ME1: variants seen among roughly 807,000 people sequenced by gnomAD.
ME1 encodes NADP-dependent malic enzyme.
Under a neutral mutation model 66.4 loss-of-function variants are expected in ME1, and 74 were observed. That is an observed-to-expected ratio of 1.11 (90% CI 0.92 to 1.35). The LOEUF (loss-of-function observed/expected upper bound fraction) is 1.35. Among genes scored for constraint, ME1 ranks in the 40% most tolerant of loss-of-function variants. The probability of loss-of-function intolerance (pLI) is 0.00; values close to 1 mark genes in which losing one functional copy is unlikely to be tolerated. For synonymous variants in ME1, 251 were observed against 235.6 expected (o/e 1.07, Z -0.60); for missense variants, 750 against 694.1 (o/e 1.08, Z -0.90).
intron 3 of ME1, among the ~76,000 whole-genome samples, chr6:83,358,555 G>A (rs1768944202): frequency 1.3e-5 from 2 of 152,216 alleles, no homozygotes; most frequent in African/African-American, 4.8e-5. Flanking sequence ...GACCTGCAAT[G>A]AAAGGTGCAT....
At chr6:83,316,946 C>CA (rs1231254880) in intron 5 of ME1, among the ~76,000 whole-genome samples, 1 of 150,492 alleles carries the variant, frequency 6.6e-6, no homozygotes, top group African/African-American at 2.4e-5. Flanking sequence ...GAATAACCTG[C>CA]AAAAAATAAA....
At chr6:83,283,255 G>C (rs1379577742) in intron 6 of ME1, among the ~76,000 whole-genome samples, 1 of 141,232 alleles carries the variant, frequency 7.1e-6, no homozygotes, top group African/African-American at 2.7e-5. Context: ...AAAATGATGA[G>C]TTCATGTCCT....
At chr6:83,282,850 G>A (rs1274180158) in intron 6 of ME1, among the ~76,000 whole-genome samples, 2 of 152,118 alleles carry the variant, frequency 1.3e-5, no homozygotes, top group Non-Finnish European at 2.9e-5. Flanking sequence ...CAAAGATATG[G>A]AACCAACCCA....
chr6:83,218,811 C>A (rs1386750064), intron 12 of ME1, among the ~76,000 whole-genome samples: 1 of 152,142 alleles, frequency 6.6e-6, no homozygotes, highest in East Asian at 1.9e-4. Context: ...CCAAACATTT[C>A]CCCCCAAATT....
At chr6:83,237,251 G>A (rs1421871760) in intron 9 of ME1, among the ~76,000 whole-genome samples, 1 of 85,022 alleles carries the variant, frequency 1.2e-5, no homozygotes, top group East Asian at 2.9e-4. Context: ...AAGAAAGAAA[G>A]AAAGAAAGAA....
rs569713682 is a variant in ME1 at position 83,314,497 on chromosome 6, C to T, written c.704+813G>A. Among the ~76,000 whole-genome samples, 150 of 152,264 alleles carry T rather than the reference C, an allele frequency of 9.9e-4. 1 individual carries two copies. The highest frequency in any genetic ancestry group is 4.6e-3 in the Admixed American group (70 of 15,298). On this transcript the variant is annotated intron_variant, in intron 6 of 13. Transcript: ENST00000369705. ...ATGCCAAACAACCATACATTGTCCACATGGGTAGCTGAGACAGTGACATCT... is the reference window on the plus strand; with the variant it reads ...ATGCCAAACAACCATACATTGTCCATATGGGTAGCTGAGACAGTGACATCT...
chr6:83,353,889 T>C (rs1768841853), intron 3 of ME1, among the ~76,000 whole-genome samples: 1 of 152,212 alleles, frequency 6.6e-6, no homozygotes, highest in African/African-American at 2.4e-5. Flanking sequence ...CTCTCAACTC[T>C]CATCTCATTT....
intron 2 of ME1, among the ~76,000 whole-genome samples, chr6:83,402,865 G>T (rs750247092): frequency 6.6e-6 from 1 of 152,190 alleles, no homozygotes; most frequent in Non-Finnish European, 1.5e-5. Context: ...CACCAGCTAT[G>T]ACCATGTGAT....
chr6:83,219,675 G>C (rs957091740), intron 12 of ME1, among the ~76,000 whole-genome samples: 3 of 151,892 alleles, frequency 2.0e-5, no homozygotes, highest in Admixed American at 6.6e-5. Flanking sequence ...CTTAGCTTGG[G>C]TGATTCTGCC....
intron 3 of ME1, among the ~76,000 whole-genome samples, chr6:83,386,476 T>C (rs1769504593): frequency 6.6e-6 from 1 of 151,840 alleles, no homozygotes; most frequent in Non-Finnish European, 1.5e-5. Flanking sequence ...TATCCAGGAC[T>C]ACCTAAAGGT....
At chr6:83,274,444 T>G (rs1459829103) in intron 6 of ME1, among the ~76,000 whole-genome samples, 1 of 152,212 alleles carries the variant, frequency 6.6e-6, no homozygotes, top group Non-Finnish European at 1.5e-5. Flanking sequence ...AATAGTATAT[T>G]ATAGATAAGC....
chr6:83,248,905 T>TA (rs1160210917), intron 7 of ME1, among the ~76,000 whole-genome samples: 2 of 152,172 alleles, frequency 1.3e-5, no homozygotes, highest in African/African-American at 4.8e-5. Context: ...GCCATCTTTC[T>TA]ATAGCTCACA....
intron 3 of ME1, among the ~76,000 whole-genome samples, chr6:83,362,476 C>T (rs1472446826): frequency 6.6e-6 from 1 of 152,204 alleles, no homozygotes; most frequent in African/African-American, 2.4e-5. Flanking sequence ...CCAATGGGCC[C>T]ATGAACAAAG....
chr6:83,343,235 AACTT>A (rs1168164417), intron 5 of ME1, among the ~76,000 whole-genome samples: 6 of 152,280 alleles, frequency 3.9e-5, no homozygotes, highest in Admixed American at 6.5e-5. Context: ...CCATGAGATC[AACTT>A]TTTTAGCCCG....
intron 6 of ME1, among the ~76,000 whole-genome samples, chr6:83,301,088 C>T (rs1006275991): frequency 5.3e-5 from 8 of 151,986 alleles, no homozygotes; most frequent in African/African-American, 1.9e-4. Flanking sequence ...GGAGATATAC[C>T]TAATGTAAAT....
At chr6:83,215,140 ACTT>A (rs1359261523) in intron 13 of ME1, among the ~76,000 whole-genome samples, 1 of 152,198 alleles carries the variant, frequency 6.6e-6, no homozygotes, top group Non-Finnish European at 1.5e-5. Context: ...TTAGAGAATT[ACTT>A]CTTTTTTTAA....
At chr6:83,350,437 T>G (rs1310245729) in intron 4 of ME1, among the ~76,000 whole-genome samples, 1 of 152,208 alleles carries the variant, frequency 6.6e-6, no homozygotes, top group Non-Finnish European at 1.5e-5. Context: ...ACTGCAGAAC[T>G]ATTTCCTCTA....
intron 5 of ME1, among the ~76,000 whole-genome samples, chr6:83,345,717 C>T (rs1442824665): frequency 1.3e-5 from 2 of 151,982 alleles, no homozygotes; most frequent in Non-Finnish European, 2.9e-5. Flanking sequence ...TAGTACTTAA[C>T]ATCTGACTTT....
intron 6 of ME1, among the ~76,000 whole-genome samples, chr6:83,289,510 G>A (rs1767460198): frequency 1.3e-5 from 2 of 151,990 alleles, no homozygotes; most frequent in Admixed American, 6.6e-5. Flanking sequence ...TGACTTGATC[G>A]TGGTGGATAA....
Sources: gnomAD v4.1 joint callset for allele counts (sites outside exome capture counted in the v4.1 genomes callset) on GRCh38, gnomAD v4.1.1 for gene constraint, MANE v1.5 for transcripts, NCBI Gene and HGNC (gene_info 2026-07-23, HGNC 2026-07-21) for gene names.